Variants in FBXW7 observed in about 807,000 individuals in gnomAD.
The protein encoded by FBXW7 is F-box and WD repeat domain containing 7.
Under a neutral mutation model 86.3 loss-of-function variants are expected in FBXW7, and 11 were observed. That is an observed-to-expected ratio of 0.13 (90% CI 0.08 to 0.21). The LOEUF (loss-of-function observed/expected upper bound fraction) is 0.21. FBXW7 is among the 10% of genes least tolerant of loss of function. The pLI is 1.00. For missense variants in FBXW7, 488 were observed against 847.4 expected, an observed-to-expected ratio of 0.58 and a Z score of 5.27; for synonymous variants, 313 against 297.9, an observed-to-expected ratio of 1.05 and a Z score of -0.52.
At chr4:152,352,780 A>T (rs865792236) in intron 4 of FBXW7, 2 of 1,600,402 alleles carry the variant, frequency 1.2e-6, no homozygotes, top group Middle Eastern at 3.3e-4. Flanking sequence ...ATGAGAGAGA[A>T]CGGAGAAGAT....
At chr4:152,446,636 C>T (rs1211823085) in intron 2 of FBXW7, among the ~76,000 whole-genome samples, 1 of 152,204 alleles carries the variant, frequency 6.6e-6, no homozygotes, top group Non-Finnish European at 1.5e-5. Context: ...GCTAGAACTT[C>T]ACGCTGCCCA....
chr4:152,339,084 T>C (rs1405409295), intron 6 of FBXW7, among the ~76,000 whole-genome samples: 1 of 152,206 alleles, frequency 6.6e-6, no homozygotes, highest in Non-Finnish European at 1.5e-5. Flanking sequence ...TCTTCTCTTC[T>C]TTCTTATCAT....
chr4:152,376,100 T>C (rs571488166), intron 4 of FBXW7, among the ~76,000 whole-genome samples: 7 of 152,254 alleles, frequency 4.6e-5, no homozygotes, highest in African/African-American at 1.4e-4. Context: ...TTCTGACCCG[T>C]GAGATTACTA....
intron 4 of FBXW7, among the ~76,000 whole-genome samples, chr4:152,377,506 C>A: frequency 6.6e-6 from 1 of 151,776 alleles, no homozygotes; most frequent in East Asian, 1.9e-4. Context: ...AATCCCAGCC[C>A]TCTGGGAGAC....
At chr4:152,448,141 G>A (rs1333555829) in intron 2 of FBXW7, among the ~76,000 whole-genome samples, 10 of 152,168 alleles carry the variant, frequency 6.6e-5, no homozygotes, top group African/African-American at 2.2e-4. Flanking sequence ...TTAAGTGGCC[G>A]GCAGTCTCAC....
At position 152,320,813 on chromosome 4, in the gene FBXW7, G is replaced by A. The variant is rs1478505732; in HGVS notation, c.*2068C>T. ...CAGTCTCAGCTGCAGATTTTTGCTC[G>A]TCTTTAAGATGGGAGATAATAGTGC... is the stretch of plus-strand genomic sequence containing the variant. On this transcript the variant is annotated 3_prime_UTR_variant, in exon 14 of 14. Coordinates refer to ENST00000281708, the MANE Select transcript of FBXW7 (RefSeq NM_001349798.2). 4.6e-5 allele frequency: 7 copies of A among 152,064 alleles called. No individual in the cohort carries two copies. The highest frequency in any genetic ancestry group is 1.4e-4 in the African/African-American group (6 of 41,398). 9.4% of individuals were successfully genotyped at this position (152,064 alleles called of 1,614,324 possible). A position where few individuals can be genotyped will look rare whatever the true frequency, so the allele number is the denominator to read the frequency against.
At chr4:152,457,286 A>C (rs1250765497) in intron 2 of FBXW7, among the ~76,000 whole-genome samples, 1 of 152,198 alleles carries the variant, frequency 6.6e-6, no homozygotes, top group Non-Finnish European at 1.5e-5. Flanking sequence ...CTGGATATAT[A>C]CATTGTGGTG....
At chr4:152,407,188 T>C (rs563874752) in intron 4 of FBXW7, among the ~76,000 whole-genome samples, 1 of 152,314 alleles carries the variant, frequency 6.6e-6, no homozygotes, top group South Asian at 2.1e-4. Flanking sequence ...ATCACTCTAA[T>C]ATGTTAGGGG....
intron 6 of FBXW7, among the ~76,000 whole-genome samples, chr4:152,339,768 C>T (rs1316946252): frequency 6.6e-6 from 1 of 151,614 alleles, no homozygotes; most frequent in Non-Finnish European, 1.5e-5. Context: ...ATAACGAGAC[C>T]CCATCTCTAC....
intron 2 of FBXW7, among the ~76,000 whole-genome samples, chr4:152,454,811 G>A (rs1415065261): frequency 6.6e-6 from 1 of 152,060 alleles, no homozygotes; most frequent in Non-Finnish European, 1.5e-5. Context: ...ATATTTGTAA[G>A]TTGTATCCAC....
chr4:152,453,312 C>T (rs182702809), intron 2 of FBXW7, among the ~76,000 whole-genome samples: 7 of 152,264 alleles, frequency 4.6e-5, no homozygotes, highest in African/African-American at 1.7e-4. Flanking sequence ...CCACATTTTC[C>T]CCTGTAAATC....
At chr4:152,450,038 TTTC>T (rs1166686154) in intron 2 of FBXW7, among the ~76,000 whole-genome samples, 1 of 152,128 alleles carries the variant, frequency 6.6e-6, no homozygotes, top group Non-Finnish European at 1.5e-5. Context: ...CACTGAAAGG[TTTC>T]TTCTTTGTGT....
rs927313530 is a variant in FBXW7 at position 152,322,244 on chromosome 4, T to C, written c.*637A>G. The C allele has an allele frequency of 4.3e-5, 10 of 231,524 alleles. No homozygotes were observed. In the South Asian group the frequency reaches 7.3e-4, roughly 17 times the overall value. The allele number at this position is 231,524 out of a possible 1,614,324, so 14.3% of individuals were successfully genotyped here. On this transcript the variant is annotated 3_prime_UTR_variant, in exon 14 of 14. Coordinates refer to ENST00000281708, the MANE Select transcript of FBXW7 (RefSeq NM_001349798.2). Reference sequence around the variant, plus strand: ...TTGCCACCTTTGAGCAACATATGCATTGAAGAATGTATATGGAAGCAACAG... The same window carrying C: ...TTGCCACCTTTGAGCAACATATGCACTGAAGAATGTATATGGAAGCAACAG...
rs1211571115 is a variant in FBXW7 at position 152,320,958 on chromosome 4, AT to A, written c.*1922del. On this transcript the variant is annotated 3_prime_UTR_variant, in exon 14 of 14. Transcript: ENST00000281708. ...GTTATTTATAAGGCTTCTAGTTGTA[AT>A]TATCACAAAAGTTTTGTGGATTCTT... 1.3e-5 allele frequency: 2 copies of A among 156,596 alleles called. No homozygotes were observed. The highest frequency in any genetic ancestry group is 4.8e-5 in the African/African-American group (2 of 41,594). The allele number at this position is 156,596 out of a possible 1,614,324, so 9.7% of individuals were successfully genotyped here. A position where few individuals can be genotyped will look rare whatever the true frequency, so the allele number is the denominator to read the frequency against.
chr4:152,454,849 T>C (rs1742271216), intron 2 of FBXW7, among the ~76,000 whole-genome samples: 1 of 152,108 alleles, frequency 6.6e-6, no homozygotes, highest in South Asian at 2.1e-4. Flanking sequence ...TAACAAGAGC[T>C]ACCATTTAAA....
chr4:152,375,770 T>A (rs75911772), intron 4 of FBXW7, among the ~76,000 whole-genome samples: 4,728 of 152,182 alleles, frequency 0.031, 109 homozygotes, highest in Middle Eastern at 0.048. Flanking sequence ...AACCCCATGC[T>A]GTTTTTGAAC....
At chr4:152,444,639 A>G (rs1485620282) in intron 2 of FBXW7, among the ~76,000 whole-genome samples, 3 of 152,234 alleles carry the variant, frequency 2.0e-5, no homozygotes, top group African/African-American at 7.2e-5. Context: ...TGCAAGGCAT[A>G]GAAACAAGGT....
intron 2 of FBXW7, among the ~76,000 whole-genome samples, chr4:152,475,809 T>C (rs1744343861): frequency 6.6e-6 from 1 of 152,150 alleles, no homozygotes; most frequent in African/African-American, 2.4e-5. Context: ...ATCTGCATGC[T>C]GAAAACTATA....
chr4:152,326,297 ATGAGAAAACATGGTAGATTTAGT>A (rs2126499359), intron 11 of FBXW7, 66 bp from the exon 12 acceptor site: 1 of 1,224,562 alleles, frequency 8.2e-7, no homozygotes, highest in East Asian at 2.4e-5. Context: ...TTTTAATAAT[ATGAGAAAACATGGTAGATTTAGT>A]CAAGGTTTTT....
Sources: gnomAD v4.1 joint callset for allele counts (sites outside exome capture counted in the v4.1 genomes callset) on GRCh38, gnomAD v4.1.1 for gene constraint, MANE v1.5 for transcripts, NCBI Gene and HGNC (gene_info 2026-07-23, HGNC 2026-07-21) for gene names.